The following DMRT1 variants were observed in gnomAD, a reference collection of about 807,000 sequenced individuals.
DMRT1 encodes the protein doublesex and mab-3 related transcription factor 1.
Under a neutral mutation model 32.3 loss-of-function variants are expected in DMRT1, and 7 were observed. That is an observed-to-expected ratio of 0.22 (90% CI 0.12 to 0.41). The LOEUF is 0.41. Ranked by LOEUF, DMRT1 falls within the 10% of genes least tolerant of loss-of-function variation. DMRT1 has a pLI of 1.00. For missense variants in DMRT1, 625 were observed against 500.5 expected (o/e 1.25, Z -2.37); for synonymous variants, 278 against 206.1 (o/e 1.35, Z -2.99).
At chr9:878,035 AC>A (rs2132623521) in intron 2 of DMRT1, among the ~76,000 whole-genome samples, 1 of 152,320 alleles carries the variant, frequency 6.6e-6, no homozygotes, top group South Asian at 2.1e-4. Context: ...GAGGTCATAG[AC>A]CACGCTAGGA....
chr9:854,444 T>C (rs1017359793), intron 2 of DMRT1, among the ~76,000 whole-genome samples: 2 of 151,726 alleles, frequency 1.3e-5, no homozygotes, highest in Non-Finnish European at 2.9e-5. Context: ...CAACCATGCC[T>C]GGCTAATTTT....
At position 886,062 on chromosome 9, in the gene DMRT1, C is replaced by T. The variant is rs1001360130; in HGVS notation, c.539-7850C>T. ...CTAGCTTAAGAATTTTCAGCAGACTCATTAAAATGTTTCCCTTCAATATAC... is the reference window on the plus strand; with the variant it reads ...CTAGCTTAAGAATTTTCAGCAGACTTATTAAAATGTTTCCCTTCAATATAC... On this transcript the variant is annotated intron_variant, in intron 2 of 4. Coordinates refer to ENST00000382276, the MANE Select transcript of DMRT1 (RefSeq NM_021951.3). Among the ~76,000 whole-genome samples, 9 of 152,314 alleles carry T rather than the reference C, an allele frequency of 5.9e-5. No individual in the cohort carries two copies. The East Asian group carries it at 1.2e-3, about 20-fold the overall frequency.
In DMRT1 at chr9:842,000, C is replaced by G; in HGVS notation, c.162C>G (p.Gly54=). 1 of 1,556,972 alleles carries G rather than the reference C, an allele frequency of 6.4e-7. No homozygotes were observed. The highest frequency in any genetic ancestry group is 1.2e-5 in the South Asian group (1 of 85,528). Reference sequence around the variant, plus strand: ...GCGCCGGGGGCAGCAGCAGAGGAGGCGGCTCCGGCTCCGGGGCGTCGGACC... The same window carrying G: ...GCGCCGGGGGCAGCAGCAGAGGAGGGGGCTCCGGCTCCGGGGCGTCGGACC... ...GSSAGGSSRG[G]GSGSGASDLG... Residue 54 remains glycine, a synonymous_variant, in exon 1 of 5, where the codon GGC becomes GGG. Coordinates refer to ENST00000382276, the MANE Select transcript of DMRT1 (RefSeq NM_021951.3).
chr9:918,681 T>A (rs1346471953), intron 4 of DMRT1, among the ~76,000 whole-genome samples: 1 of 151,732 alleles, frequency 6.6e-6, no homozygotes, highest in East Asian at 1.9e-4. Flanking sequence ...GCTAACCCAC[T>A]AACAGTTAAG....
At chr9:909,593 G>C (rs976618686) in intron 3 of DMRT1, among the ~76,000 whole-genome samples, 2 of 152,176 alleles carry the variant, frequency 1.3e-5, no homozygotes, top group Non-Finnish European at 2.9e-5. Context: ...GAATTCTACA[G>C]CCTGTGAAGA....
At chr9:906,030 C>CA (rs773880553) in intron 3 of DMRT1, among the ~76,000 whole-genome samples, 1,306 of 13,332 alleles carry the variant, frequency 0.098, 11 homozygotes, top group Middle Eastern at 0.5. Flanking sequence ...GACACACACA[C>CA]CCACACACAC....
At chr9:925,038 A>G (rs10759048) in intron 4 of DMRT1, among the ~76,000 whole-genome samples, 105,309 of 152,018 alleles carry the variant, frequency 0.69, 37,334 homozygotes, top group South Asian at 0.86. Flanking sequence ...GGAAATAGCA[A>G]GACTTCCCAG....
chr9:909,588 C>T (rs1817899638), intron 3 of DMRT1, among the ~76,000 whole-genome samples: 1 of 152,176 alleles, frequency 6.6e-6, no homozygotes, highest in Admixed American at 6.5e-5. Context: ...ACCCAGAATT[C>T]TACAGCCTGT....
At chr9:927,147 T>C (rs1228091232) in intron 4 of DMRT1, among the ~76,000 whole-genome samples, 5 of 152,240 alleles carry the variant, frequency 3.3e-5, no homozygotes, top group Non-Finnish European at 7.3e-5. Context: ...CCTGCTTGCC[T>C]CTTCAGAGGC....
chr9:921,501 G>A (rs1379659588), intron 4 of DMRT1, among the ~76,000 whole-genome samples: 1 of 152,098 alleles, frequency 6.6e-6, no homozygotes, highest in African/African-American at 2.4e-5. Context: ...TCTTCTGGGT[G>A]TATGCCTAGA....
At chr9:862,220 C>T (rs1486827721) in intron 2 of DMRT1, among the ~76,000 whole-genome samples, 2 of 152,096 alleles carry the variant, frequency 1.3e-5, no homozygotes, top group Non-Finnish European at 2.9e-5. Context: ...ACACTGAGCA[C>T]TGAGTGAGCG....
At chr9:957,585 CAT>C (rs1358357397) in intron 4 of DMRT1, among the ~76,000 whole-genome samples, 20 of 152,168 alleles carry the variant, frequency 1.3e-4, no homozygotes, top group East Asian at 3.9e-4. Flanking sequence ...GGTAAAATAA[CAT>C]GTGCAACTTT....
intron 2 of DMRT1, among the ~76,000 whole-genome samples, chr9:854,211 G>C (rs971893800): frequency 2.0e-5 from 3 of 151,788 alleles, no homozygotes; most frequent in African/African-American, 4.8e-5. Flanking sequence ...CAAACTCCTG[G>C]ACTCAAGTAA....
At chr9:849,967 G>A (rs1839071192) in intron 2 of DMRT1, among the ~76,000 whole-genome samples, 1 of 152,160 alleles carries the variant, frequency 6.6e-6, no homozygotes, top group Non-Finnish European at 1.5e-5. Flanking sequence ...GGGATTACAA[G>A]CATGCGCTAT....
intron 2 of DMRT1, among the ~76,000 whole-genome samples, chr9:853,550 G>A (rs1376693039): frequency 2.0e-5 from 3 of 149,708 alleles, no homozygotes; most frequent in Non-Finnish European, 3.0e-5. Context: ...TCGGCTCACT[G>A]CAATCTCCGC....
At chr9:959,719 G>C (rs759921017) in intron 4 of DMRT1, among the ~76,000 whole-genome samples, 3 of 72,684 alleles carry the variant, frequency 4.1e-5, no homozygotes, top group Non-Finnish European at 9.6e-5. Flanking sequence ...GTAGAGATGG[G>C]GTTTTGCCAT....
intron 4 of DMRT1, among the ~76,000 whole-genome samples, chr9:934,373 T>A (rs1410336212): frequency 6.6e-6 from 1 of 152,176 alleles, no homozygotes; most frequent in Non-Finnish European, 1.5e-5. Flanking sequence ...GTGTCATATT[T>A]AAGAAATCAG....
intron 4 of DMRT1, among the ~76,000 whole-genome samples, chr9:923,520 T>C (rs1453872132): frequency 1.3e-5 from 2 of 152,100 alleles, no homozygotes; most frequent in African/African-American, 4.8e-5. Flanking sequence ...AGCTCAATAA[T>C]CACAAAATGC....
At position 916,907 on chromosome 9, in the gene DMRT1, G is replaced by A. The variant is rs746758951; in HGVS notation, c.967G>A (p.Val323Ile). ...APSYPEARAS[V>I]FSPPSSQDSG... ...CTCTTACCCGGAAGCCAGGGCGAGCGGTAGGTGTCTGGTCACACAGACTGG... is the reference window on the plus strand; with the variant it reads ...CTCTTACCCGGAAGCCAGGGCGAGCAGTAGGTGTCTGGTCACACAGACTGG... The change falls in exon 4 of 5, where the codon GTA becomes ATA. Residue 323 changes from valine (V) to isoleucine (I), a missense_variant and splice_region_variant. This residue lies in a region of DMRT1 where 416 missense variants were observed against 321.6 expected (regional missense o/e 1.29). Coordinates refer to ENST00000382276, the MANE Select transcript of DMRT1 (RefSeq NM_021951.3). 1.9e-6 allele frequency: 3 copies of A among 1,614,010 alleles called. No individual in the cohort carries two copies. Among genetic ancestry groups the A allele is most frequent in the Admixed American group, 1.7e-5 (1 of 59,988 alleles).
Sources: gnomAD v4.1 joint callset for allele counts (sites outside exome capture counted in the v4.1 genomes callset) on GRCh38, gnomAD v4.1.1 for gene constraint, gnomAD v4.1.1 regional missense constraint, MANE v1.5 for transcripts, NCBI Gene and HGNC (gene_info 2026-07-23, HGNC 2026-07-21) for gene names.